RBFOX1: variants seen among roughly 807,000 people sequenced by gnomAD.
The protein encoded by RBFOX1 is RNA binding protein fox-1 homolog 1.
A neutral mutation model predicts 57.7 loss-of-function variants in RBFOX1; 8 were observed. That is an observed-to-expected ratio of 0.14 (90% CI 0.08 to 0.25). The LOEUF is 0.25. Among genes scored for constraint, RBFOX1 ranks in the 10% least tolerant of loss-of-function variants. The probability of loss-of-function intolerance (pLI) is 1.00; values close to 1 mark genes in which losing one functional copy is unlikely to be tolerated. For synonymous variants in RBFOX1, 326 were observed against 222.4 expected (o/e 1.47, Z -4.15); for missense variants, 611 against 548.5 (o/e 1.11, Z -1.14).
chr16:5,392,528 T>G (rs1218846532), intron 1 of RBFOX1, among the ~76,000 whole-genome samples: 1 of 149,722 alleles, frequency 6.7e-6, no homozygotes, highest in Non-Finnish European at 1.5e-5. Context: ...TATATATATA[T>G]ATTTTTTTTC....
At chr16:6,619,957 A>T (rs988016349) in intron 2 of RBFOX1, among the ~76,000 whole-genome samples, 1 of 152,030 alleles carries the variant, frequency 6.6e-6, no homozygotes, top group Non-Finnish European at 1.5e-5. Flanking sequence ...AGAACAAGGA[A>T]TATTTGATTT....
intron 2 of RBFOX1, among the ~76,000 whole-genome samples, chr16:6,627,553 G>A (rs902959029): frequency 2.0e-5 from 3 of 152,160 alleles, no homozygotes; most frequent in Non-Finnish European, 4.4e-5. Context: ...TCTCAAAGGA[G>A]GAAGCAGGAA....
intron 1 of RBFOX1, among the ~76,000 whole-genome samples, chr16:6,249,858 T>C (rs1429446297): frequency 2.6e-5 from 4 of 151,836 alleles, no homozygotes; most frequent in African/African-American, 9.7e-5. Context: ...ATGTGCCATG[T>C]TGGTGTGCTG....
rs1259776157 is a variant in RBFOX1 at position 5,819,520 on chromosome 16, GC to G, written c.319-47782del. Among the ~76,000 whole-genome samples, 4 of 152,300 alleles carry G rather than the reference GC, an allele frequency of 2.6e-5. No homozygotes were observed. In the East Asian group the frequency reaches 7.7e-4, roughly 29 times the overall value. ...TGAAACCCTACAGAGGTTTCACTTTGCTTGCAGGAAGCAGTGCAAACTGTAT... is the reference window on the plus strand; with the variant it reads ...TGAAACCCTACAGAGGTTTCACTTTGTTGCAGGAAGCAGTGCAAACTGTAT... On this transcript the variant is annotated intron_variant, in intron 3 of 19. Coordinates refer to the RBFOX1 transcript ENST00000641259.
chr16:7,253,410 C>T (rs1446489394), intron 4 of RBFOX1, among the ~76,000 whole-genome samples: 1 of 152,182 alleles, frequency 6.6e-6, no homozygotes, highest in Non-Finnish European at 1.5e-5. Flanking sequence ...GGCTTGACAA[C>T]CCCTCAACCT....
At chr16:5,437,054 A>T (rs1260801825) in intron 1 of RBFOX1, among the ~76,000 whole-genome samples, 1 of 152,194 alleles carries the variant, frequency 6.6e-6, no homozygotes, top group African/African-American at 2.4e-5. Context: ...TGATGGGTTA[A>T]TCCTCATATC....
At chr16:5,942,770 C>T (rs1243462594) in intron 4 of RBFOX1, among the ~76,000 whole-genome samples, 1 of 152,186 alleles carries the variant, frequency 6.6e-6, no homozygotes, top group Non-Finnish European at 1.5e-5. Flanking sequence ...TCAGATCTCT[C>T]TCACTGATAT....
At chr16:5,944,924 C>T (rs983771681) in intron 4 of RBFOX1, among the ~76,000 whole-genome samples, 2 of 140,864 alleles carry the variant, frequency 1.4e-5, no homozygotes, top group African/African-American at 2.7e-5. Context: ...TGAGTTTGCG[C>T]CACTGCACTC....
intron 1 of RBFOX1, among the ~76,000 whole-genome samples, chr16:6,125,061 C>T (rs999668097): frequency 6.6e-6 from 1 of 152,088 alleles, no homozygotes; most frequent in Non-Finnish European, 1.5e-5. Flanking sequence ...GACAAGTGAT[C>T]CCCTCCTCAG....
intron 2 of RBFOX1, among the ~76,000 whole-genome samples, chr16:6,394,440 G>A (rs1439570788): frequency 1.3e-5 from 2 of 151,938 alleles, no homozygotes; most frequent in African/African-American, 4.8e-5. Context: ...GGGAGTGGGG[G>A]AAGAAAGAAT....
chr16:6,499,561 C>G (rs148129036), intron 2 of RBFOX1, among the ~76,000 whole-genome samples: 1 of 152,038 alleles, frequency 6.6e-6, no homozygotes, highest in Non-Finnish European at 1.5e-5. Flanking sequence ...CCCGTGTGAG[C>G]CATGATTCCA....
intron 4 of RBFOX1, among the ~76,000 whole-genome samples, chr16:5,867,797 C>G (rs1041077923): frequency 1.3e-5 from 2 of 151,988 alleles, no homozygotes; most frequent in Middle Eastern, 3.2e-3. Flanking sequence ...CTGCAACCTC[C>G]GCCTCCCGGG....
intron 3 of RBFOX1, among the ~76,000 whole-genome samples, chr16:6,979,266 C>G (rs977740364): frequency 1.3e-5 from 2 of 152,220 alleles, no homozygotes; most frequent in South Asian, 2.1e-4. Flanking sequence ...ATAGTAAAAA[C>G]CTTAGAGGAT....
intron 4 of RBFOX1, among the ~76,000 whole-genome samples, chr16:7,295,760 C>T (rs140613026): frequency 9.7e-4 from 148 of 152,190 alleles, no homozygotes; most frequent in African/African-American, 3.3e-3. Context: ...AATACCCCAT[C>T]GCAACTCCAT....
intron 3 of RBFOX1, among the ~76,000 whole-genome samples, chr16:6,977,893 T>C (rs9940344): frequency 0.04 from 5,639 of 139,628 alleles, 373 homozygotes; most frequent in African/African-American, 0.15. Flanking sequence ...GGGGACTCTC[T>C]AGGGAGATCC....
chr16:6,743,553 G>C (rs1256639587), intron 3 of RBFOX1, among the ~76,000 whole-genome samples: 1 of 151,998 alleles, frequency 6.6e-6, no homozygotes, highest in Non-Finnish European at 1.5e-5. Context: ...ACCAACCTGA[G>C]CAACATGACA....
At chr16:7,116,923 G>A (rs1177092003) in intron 4 of RBFOX1, among the ~76,000 whole-genome samples, 1 of 152,098 alleles carries the variant, frequency 6.6e-6, no homozygotes, top group African/African-American at 2.4e-5. Context: ...GGAAGTTTGG[G>A]GTTCTTTGGG....
rs191945668 is a variant in RBFOX1 at position 5,886,836 on chromosome 16, C to T, written c.351+19501C>T. On this transcript the variant is annotated intron_variant, in intron 4 of 19. Coordinates refer to the RBFOX1 transcript ENST00000641259. ...CTGGGAGGTGGAGGTTGCAGTGAGC[C>T]GAGATTGTGCCACAGCATTCTAGCC... Among the ~76,000 whole-genome samples, 16 of 152,260 alleles carry T rather than the reference C, an allele frequency of 1.1e-4. No individual in the cohort carries two copies. The East Asian group carries it at 2.5e-3, about 24-fold the overall frequency.
chr16:7,406,789 C>T (rs749766294), intron 4 of RBFOX1, among the ~76,000 whole-genome samples: 2 of 152,230 alleles, frequency 1.3e-5, no homozygotes, highest in Non-Finnish European at 2.9e-5. Context: ...GTAGGTCTTA[C>T]TGTACTAAAC....
Sources: gnomAD v4.1 joint callset for allele counts (sites outside exome capture counted in the v4.1 genomes callset) on GRCh38, gnomAD v4.1.1 for gene constraint, MANE v1.5 for transcripts, NCBI Gene and HGNC (gene_info 2026-07-23, HGNC 2026-07-21) for gene names.